Variants in HEATR5A observed in about 807,000 individuals in gnomAD.
HEATR5A encodes HEAT repeat-containing protein 5A.
In HEATR5A, 178 loss-of-function variants were observed where a neutral mutation model predicts 218.8. The observed-to-expected ratio is 0.81, with a 90% CI of 0.72 to 0.92. The LOEUF is 0.92. Ranked by LOEUF, HEATR5A falls within the 40% of genes least tolerant of loss-of-function variation. The pLI is 0.00. For missense variants in HEATR5A, 2,420 were observed against 2,418.9 expected, an observed-to-expected ratio of 1.00 and a Z score of -0.01; for synonymous variants, 864 against 871.6, an observed-to-expected ratio of 0.99 and a Z score of 0.15.
intron 1 of HEATR5A, among the ~76,000 whole-genome samples, chr14:31,409,776 T>C (rs185939327): frequency 5.3e-5 from 8 of 152,340 alleles, no homozygotes; most frequent in African/African-American, 1.7e-4. Context: ...TATTTAGGCA[T>C]GACAGTGTAA....
Position 31,389,005 on chromosome 14 carries a change from G to A in HEATR5A, c.773C>T (p.Ala258Val). 2 of 1,603,046 alleles carry A rather than the reference G, an allele frequency of 1.2e-6. No individual in the cohort carries two copies. The highest frequency in any genetic ancestry group is 1.7e-5 in the Admixed American group (1 of 58,116). ...TCTGCGAATGCTTTGACGTGAGGCTGCTATGACAAAGAACAAAACTGTGAT... is the reference window on the plus strand; with the variant it reads ...TCTGCGAATGCTTTGACGTGAGGCTACTATGACAAAGAACAAAACTGTGAT... ...KAVISKHPGT[A>V]ASRQSIRRVS... Residue 258 changes from alanine (A) to valine (V), a missense_variant and splice_region_variant, in exon 7 of 36, where the codon GCA becomes GTA. By Grantham distance (64) the Ala-to-Val change is moderately conservative. Coordinates refer to ENST00000543095, the MANE Select transcript of HEATR5A (RefSeq NM_015473.4).
At chr14:31,386,296 T>C in intron 9 of HEATR5A, 124 bp downstream of exon 9, 1 of 702,212 alleles carries the variant, frequency 1.4e-6, no homozygotes, top group Non-Finnish European at 2.2e-6. Flanking sequence ...GATTATAAAT[T>C]TTTCATAAAA....
At chr14:31,323,500 T>A in intron 24 of HEATR5A, 65 bp downstream of exon 24, 1 of 1,300,232 alleles carries the variant, frequency 7.7e-7, no homozygotes. Context: ...TTTTAAATAT[T>A]AAAACCATAA....
At chr14:31,399,299 ATCAAT>A in intron 3 of HEATR5A, among the ~76,000 whole-genome samples, 1 of 152,364 alleles carries the variant, frequency 6.6e-6, no homozygotes. Context: ...ATAAGGATGT[ATCAAT>A]CTGTGATTAC....
At chr14:31,308,506 TAAA>T (rs34745602) in intron 29 of HEATR5A, among the ~76,000 whole-genome samples, 4 of 125,930 alleles carry the variant, frequency 3.2e-5, no homozygotes, top group Non-Finnish European at 4.8e-5. Context: ...AAACTCTGTC[TAAA>T]AAAAAAAAAA....
chr14:31,402,012 G>GT (rs143260672), intron 2 of HEATR5A, among the ~76,000 whole-genome samples: 3,411 of 150,458 alleles, frequency 0.023, 96 homozygotes, highest in African/African-American at 0.072. Flanking sequence ...TTTGTCTTTT[G>GT]TTTTTTTTTC....
chr14:31,355,234 C>T lies in HEATR5A; in HGVS notation c.2411+3403G>A, dbSNP rs1456227752. Reference sequence around the variant, plus strand: ...TTCAAGAACAGCCTGGCCAACATGGCGAAAGCCCATCTCTACTAAAAATAT... The same window carrying T: ...TTCAAGAACAGCCTGGCCAACATGGTGAAAGCCCATCTCTACTAAAAATAT... On this transcript the variant is annotated intron_variant, in intron 16 of 35. Transcript: ENST00000543095. Among the ~76,000 whole-genome samples the T allele has an allele frequency of 4.0e-5, 6 of 151,806 alleles. No homozygotes were observed. The South Asian group carries it at 6.2e-4, about 16-fold the overall frequency.
At chr14:31,361,838 T>C (rs1901625747) in intron 14 of HEATR5A, among the ~76,000 whole-genome samples, 2 of 152,202 alleles carry the variant, frequency 1.3e-5, no homozygotes, top group African/African-American at 4.8e-5. Flanking sequence ...TGAAGAAAAG[T>C]TATTTCAATT....
At chr14:31,411,829 A>T (rs1015672091) in intron 1 of HEATR5A, among the ~76,000 whole-genome samples, 3 of 152,096 alleles carry the variant, frequency 2.0e-5, no homozygotes, top group Non-Finnish European at 2.9e-5. Flanking sequence ...AAAAAAATTT[A>T]AAATTTTTTT....
chr14:31,307,929 A>C lies in HEATR5A; in HGVS notation c.4782T>G (p.Asp1594Glu). ...ACLHALQALL[D>E]VPWPRSKIGS... Reference sequence around the variant, plus strand: ...CAATTTTTGATCTGGGCCAAGGTACATCTAGAAGTGCTTGCAATGCATGTA... The same window carrying C: ...CAATTTTTGATCTGGGCCAAGGTACCTCTAGAAGTGCTTGCAATGCATGTA... The change falls in exon 30 of 36, where the codon GAT (aspartate) becomes GAG (glutamate). Residue 1594 changes from aspartate to glutamate, a missense_variant. Transcript: ENST00000543095. 1 of 1,613,910 alleles carries C rather than the reference A, an allele frequency of 6.2e-7. No homozygotes were observed. Among genetic ancestry groups the C allele is most frequent in the Non-Finnish European group, 8.5e-7 (1 of 1,179,842 alleles).
At chr14:31,388,770 C>A (rs557949236) in intron 7 of HEATR5A, 75 bp downstream of exon 7, 1 of 1,182,914 alleles carries the variant, frequency 8.5e-7, no homozygotes, top group African/African-American at 1.5e-5. Context: ...AGTACCACTT[C>A]TGTGGAGTCA....
chr14:31,414,425 A>AT (rs1285849694), intron 1 of HEATR5A, among the ~76,000 whole-genome samples: 2 of 152,252 alleles, frequency 1.3e-5, no homozygotes, highest in African/African-American at 4.8e-5. Flanking sequence ...AGAGAAACAC[A>AT]TTAAAAGTAA....
chr14:31,397,882 C>T (rs1019735274), intron 4 of HEATR5A, among the ~76,000 whole-genome samples: 7 of 152,164 alleles, frequency 4.6e-5, no homozygotes, highest in African/African-American at 1.7e-4. Context: ...TCTCAAACTC[C>T]TGGCTTTAAG....
chr14:31,294,397 A>C (rs1208626665), intron 34 of HEATR5A, among the ~76,000 whole-genome samples: 2 of 149,914 alleles, frequency 1.3e-5, no homozygotes, highest in Non-Finnish European at 2.9e-5. Context: ...TAATGTAAAA[A>C]ACAAAAACAC....
At chr14:31,399,809 G>A (rs185468910) in intron 3 of HEATR5A, among the ~76,000 whole-genome samples, 2 of 152,208 alleles carry the variant, frequency 1.3e-5, no homozygotes, top group Admixed American at 1.3e-4. Flanking sequence ...CAGCCTGGGT[G>A]GACAGAGATT....
intron 22 of HEATR5A, among the ~76,000 whole-genome samples, chr14:31,328,927 C>A (rs1448910231): frequency 2.0e-5 from 3 of 151,574 alleles, no homozygotes; most frequent in Non-Finnish European, 1.5e-5. Context: ...ACTCACAGTT[C>A]CACATGATTG....
intron 20 of HEATR5A, 138 bp downstream of exon 20, chr14:31,344,949 C>A (rs1192352585): frequency 5.9e-6 from 4 of 675,708 alleles, no homozygotes; most frequent in Non-Finnish European, 9.9e-6. Context: ...TAAGAGAAAT[C>A]AGGCTGAATG....
At chr14:31,303,138 A>C (rs1055870874) in intron 32 of HEATR5A, among the ~76,000 whole-genome samples, 3 of 151,920 alleles carry the variant, frequency 2.0e-5, no homozygotes, top group Admixed American at 1.3e-4. Context: ...CTAACAAAAA[A>C]ATAACACCTT....
At chr14:31,320,754 T>A (rs1900071230) in intron 25 of HEATR5A, 1 of 282,820 alleles carries the variant, frequency 3.5e-6, no homozygotes, top group Non-Finnish European at 6.7e-6. Flanking sequence ...AACAGGGCCA[T>A]TTTTTTTCCC....
Sources: gnomAD v4.1 joint callset for allele counts (sites outside exome capture counted in the v4.1 genomes callset) on GRCh38, gnomAD v4.1.1 for gene constraint, MANE v1.5 for transcripts, NCBI Gene and HGNC (gene_info 2026-07-23, HGNC 2026-07-21) for gene names.